Variants in ROBO2 observed in about 807,000 individuals in gnomAD.
The protein encoded by ROBO2 is roundabout guidance receptor 2.
ROBO2 carries 53 observed loss-of-function variants against 160.8 expected under a neutral mutation model. The ratio of observed to expected loss-of-function variants is 0.33; its 90% CI spans 0.26 to 0.41. The LOEUF (loss-of-function observed/expected upper bound fraction) is 0.41, where lower values mean the gene tolerates loss of function less well. Ranked by LOEUF, ROBO2 falls within the 10% of genes least tolerant of loss-of-function variation. ROBO2 has a pLI of 1.00. For synonymous variants in ROBO2, 664 were observed against 611.7 expected (o/e 1.09, Z -1.26); for missense variants, 1,577 against 1,722.4 (o/e 0.92, Z 1.49).
Position 77,091,264 on chromosome 3 carries a change from C to T in ROBO2, c.62-6750C>T, listed in dbSNP as rs1015005236. On this transcript the variant is annotated intron_variant, in intron 1 of 25. Transcript: ENST00000461745. ...TGCATTTTCCTCCTTTATTATACTA[C>T]GTGATTGAAATCTCTTCCTGAAAAC... is the stretch of plus-strand genomic sequence containing the variant. Among the ~76,000 whole-genome samples, 4 of 152,262 alleles carry T rather than the reference C, an allele frequency of 2.6e-5. No individual in the cohort carries two copies. The East Asian group carries it at 5.8e-4, about 22-fold the overall frequency.
chr3:76,827,650 A>C (rs1170525988), intron 2 of ROBO2, among the ~76,000 whole-genome samples: 1 of 152,140 alleles, frequency 6.6e-6, no homozygotes, highest in African/African-American at 2.4e-5. Flanking sequence ...TTTTATCATA[A>C]AAGCATTTTC....
At chr3:76,377,432 C>T (rs889910314) in intron 2 of ROBO2, among the ~76,000 whole-genome samples, 1 of 152,032 alleles carries the variant, frequency 6.6e-6, no homozygotes, top group Non-Finnish European at 1.5e-5. Context: ...GTGCAAGAGT[C>T]CTGCACACAG....
At chr3:76,751,533 G>T (rs267107) in intron 2 of ROBO2, among the ~76,000 whole-genome samples, 27,200 of 152,088 alleles carry the variant, frequency 0.18, 2,644 homozygotes, top group Non-Finnish European at 0.22. Context: ...GAAAATGTTT[G>T]CAATCTACTC....
intron 2 of ROBO2, among the ~76,000 whole-genome samples, chr3:76,456,525 G>C (rs577458082): frequency 6.6e-6 from 1 of 152,304 alleles, no homozygotes; most frequent in East Asian, 1.9e-4. Context: ...CCTTGGACCA[G>C]GTTTCCGGAG....
intron 2 of ROBO2, among the ~76,000 whole-genome samples, chr3:76,698,161 T>C (rs1252977864): frequency 2.0e-5 from 3 of 152,166 alleles, no homozygotes; most frequent in Non-Finnish European, 4.4e-5. Flanking sequence ...TGTTAGCTTG[T>C]TGTTTGGCAT....
chr3:76,045,509 A>G (rs2067419888), intron 2 of ROBO2, among the ~76,000 whole-genome samples: 1 of 151,970 alleles, frequency 6.6e-6, no homozygotes, highest in Admixed American at 6.6e-5. Flanking sequence ...AATTTTATGT[A>G]TTTACTTTAT....
At chr3:77,359,335 G>T (rs897965571) in intron 2 of ROBO2, among the ~76,000 whole-genome samples, 2 of 152,148 alleles carry the variant, frequency 1.3e-5, no homozygotes, top group Non-Finnish European at 2.9e-5. Context: ...GTGTGATCAA[G>T]TAAGATTCAA....
chr3:77,461,733 C>CT (rs11436957), intron 2 of ROBO2, among the ~76,000 whole-genome samples: 50,228 of 145,314 alleles, frequency 0.35, 8,718 homozygotes, highest in South Asian at 0.44. Flanking sequence ...TCTTGATGTA[C>CT]TTTTTTTTTT....
intron 2 of ROBO2, among the ~76,000 whole-genome samples, chr3:77,027,783 C>T (rs995919757): frequency 1.8e-4 from 28 of 151,992 alleles, no homozygotes; most frequent in Non-Finnish European, 3.4e-4. Context: ...TAAGTGTGTG[C>T]GTGTGTGCCA....
chr3:76,432,707 T>G (rs1004194277), intron 2 of ROBO2, among the ~76,000 whole-genome samples: 8 of 152,148 alleles, frequency 5.3e-5, no homozygotes, highest in Admixed American at 1.3e-4. Flanking sequence ...GGAAGAAATG[T>G]ACCCTTACTA....
At chr3:77,622,934 A>T (rs1234533459) in intron 23 of ROBO2, among the ~76,000 whole-genome samples, 2 of 152,122 alleles carry the variant, frequency 1.3e-5, no homozygotes, top group Non-Finnish European at 2.9e-5. Context: ...GATAAACCAT[A>T]TGTTTATGCA....
At chr3:76,397,656 T>G (rs1386096262) in intron 2 of ROBO2, among the ~76,000 whole-genome samples, 1 of 151,982 alleles carries the variant, frequency 6.6e-6, no homozygotes, top group Non-Finnish European at 1.5e-5. Flanking sequence ...CATCAAAAAG[T>G]GGGCGAAGGA....
rs146840787 is a variant in ROBO2, at chr3:76,153,746, T to C, written c.109+216144T>C. 8.9e-4 allele frequency among the ~76,000 whole-genome samples: 136 copies of C among 152,252 alleles called. 1 individual carries two copies. Among genetic ancestry groups the C allele is most frequent in the Middle Eastern group, 3.4e-3 (1 of 294 alleles). ...ATTCAAATTCCATCTTTTAGCTATG[T>C]CATCTAGAACTCAAGCTTCTAAAGT... On this transcript the variant is annotated intron_variant, in intron 2 of 26. Transcript: ENST00000487694.
chr3:77,281,946 C>G (rs866117533), intron 2 of ROBO2, among the ~76,000 whole-genome samples: 1 of 152,172 alleles, frequency 6.6e-6, no homozygotes, highest in South Asian at 2.1e-4. Context: ...CTCCCTCCTG[C>G]TGTGCAGCCC....
At chr3:76,057,433 T>C (rs1559874260) in intron 2 of ROBO2, among the ~76,000 whole-genome samples, 1 of 152,214 alleles carries the variant, frequency 6.6e-6, no homozygotes, top group East Asian at 1.9e-4. Context: ...AGCATTCTCC[T>C]TAAAATGCTA....
At chr3:77,385,176 C>T (rs972698923) in intron 2 of ROBO2, among the ~76,000 whole-genome samples, 1 of 152,036 alleles carries the variant, frequency 6.6e-6, no homozygotes, top group African/African-American at 2.4e-5. Context: ...ATTACTGGTG[C>T]GCACAACCAC....
rs142635070 is a variant in ROBO2, at chr3:77,124,052, A to G, written c.388+25712A>G. ...AAAACATACGTGTGTAAAACATTTG[A>G]AAAACTGCTTTCTTGCAATAAAATC... is the stretch of plus-strand genomic sequence containing the variant. On this transcript the variant is annotated intron_variant, in intron 2 of 25. Coordinates refer to ENST00000461745, the Ensembl canonical transcript of ROBO2. Among the ~76,000 whole-genome samples the G allele has an allele frequency of 6.5e-3, 981 of 151,984 alleles. 7 individuals carry two copies. The highest frequency in any genetic ancestry group is 0.022 in the African/African-American group (930 of 41,486).
intron 2 of ROBO2, among the ~76,000 whole-genome samples, chr3:77,364,480 A>C (rs1365496005): frequency 6.6e-6 from 1 of 152,062 alleles, no homozygotes; most frequent in African/African-American, 2.4e-5. Context: ...ACTTGGAAAA[A>C]TTTGGAAAAC....
intron 2 of ROBO2, among the ~76,000 whole-genome samples, chr3:77,476,200 A>G (rs1160548592): frequency 2.0e-5 from 3 of 152,152 alleles, no homozygotes; most frequent in Admixed American, 6.5e-5. Flanking sequence ...TAACCTACAG[A>G]CTTGGCACAA....
Sources: allele counts gnomAD v4.1 joint callset (sites outside exome capture counted in the v4.1 genomes callset), GRCh38; gene constraint gnomAD v4.1.1; transcripts MANE v1.5; gene names NCBI Gene and HGNC (gene_info 2026-07-23, HGNC 2026-07-21).